IL17RE: variants seen among roughly 807,000 people sequenced by gnomAD.
The protein encoded by IL17RE is interleukin-17 receptor E.
A neutral mutation model predicts 70.7 loss-of-function variants in IL17RE; 47 were observed. The observed-to-expected ratio is 0.67, with a 90% CI of 0.53 to 0.85. IL17RE has a LOEUF of 0.85. IL17RE is among the 40% of genes least tolerant of loss of function. The pLI, the probability that IL17RE is intolerant of heterozygous loss-of-function variation, is 0.00. For missense variants in IL17RE, 850 were observed against 893.9 expected, an observed-to-expected ratio of 0.95 and a Z score of 0.63; for synonymous variants, 372 against 381.2, an observed-to-expected ratio of 0.98 and a Z score of 0.28.
chr3:9,913,584 T>C (rs2082943127), intron 12 of IL17RE, among the ~76,000 whole-genome samples: 1 of 152,126 alleles, frequency 6.6e-6, no homozygotes, highest in Non-Finnish European at 1.5e-5. Context: ...AAACTTACAT[T>C]CTTTTCAATG....
intron 14 of IL17RE, 28 bp downstream of exon 14, chr3:9,914,627 AG>A: frequency 1.2e-6 from 2 of 1,613,398 alleles, no homozygotes; most frequent in Non-Finnish European, 1.7e-6. Context: ...GGGAGGTAAG[AG>A]GGAGGCTGGG....
intron 3 of IL17RE, 41 bp downstream of exon 3, chr3:9,904,192 A>G: frequency 6.2e-7 from 1 of 1,606,826 alleles, no homozygotes. Flanking sequence ...AGTGAAGAGA[A>G]CATTTTGAGG....
At chr3:9,905,257 A>AC (rs2082727201) in intron 3 of IL17RE, among the ~76,000 whole-genome samples, 1 of 151,694 alleles carries the variant, frequency 6.6e-6, no homozygotes, top group South Asian at 2.1e-4. Flanking sequence ...GGAGTTTGAG[A>AC]CCAGCCTGGC....
rs774555141 is a variant in IL17RE, at chr3:9,910,938, A to G, written c.876A>G (p.Thr292=). ...SQHTQMVMAL[T]LRCPLKLEAA... is the part of the protein sequence containing the mutation. ...ACACTCAGATGGTCATGGCCCTGAC[A>G]CTCCGCTGCCCACTGAAGCTGGAAG... is the stretch of plus-strand genomic sequence containing the variant. Residue 292 remains threonine (T), a synonymous_variant, in exon 9 of 16, where the codon ACA becomes ACG. Transcript: ENST00000383814. 1.2e-6 allele frequency: 2 copies of G among 1,613,954 alleles called. No individual in the cohort carries two copies. Among genetic ancestry groups the G allele is most frequent in the Admixed American group, 1.7e-5 (1 of 60,000 alleles).
chr3:9,908,882 C>T (rs185936043), intron 7 of IL17RE, among the ~76,000 whole-genome samples: 1 of 152,230 alleles, frequency 6.6e-6, no homozygotes, highest in Non-Finnish European at 1.5e-5. Context: ...GAGTCAGGAG[C>T]CAACACAGAG....
Position 9,913,382 on chromosome 3 carries a change from C to T in IL17RE, c.1228-574C>T, listed in dbSNP as rs557471134. On this transcript the variant is annotated intron_variant, in intron 12 of 15. Coordinates refer to ENST00000383814, the MANE Select transcript of IL17RE (RefSeq NM_153480.2). ...TTGCACCAGTGCACTCCAGCCTGCA[C>T]GACGGAGCAAGACTCTGTCTCAAAA... Among the ~76,000 whole-genome samples, 89 of 151,198 alleles carry T rather than the reference C, an allele frequency of 5.9e-4. 1 individual carries two copies. The highest frequency in any genetic ancestry group is 2.0e-3 in the African/African-American group (81 of 41,126).
At chr3:9,914,130 C>A in intron 13 of IL17RE, 106 bp downstream of exon 13, 2 of 933,280 alleles carry the variant, frequency 2.1e-6, no homozygotes, top group Non-Finnish European at 3.4e-6. Flanking sequence ...GTTTGGCCAG[C>A]ACAGTGTTTT....
At chr3:9,906,582 A>T in intron 4 of IL17RE, 121 bp downstream of exon 4, 1 of 1,364,746 alleles carries the variant, frequency 7.3e-7, no homozygotes, top group South Asian at 1.2e-5. Flanking sequence ...TCTGTCTATT[A>T]CACAGCTAGG....
At chr3:9,906,263 TA>T in intron 3 of IL17RE, 100 bp from the exon 4 acceptor site, 1 of 504,712 alleles carries the variant, frequency 2.0e-6, no homozygotes, top group East Asian at 3.5e-5. Flanking sequence ...AATAAATAAA[TA>T]AATAAAATAA....
Position 9,909,377 on chromosome 3 carries a change from C to CT in IL17RE, c.802+94_802+95insT, listed in dbSNP as rs59815041. The CT allele has an allele frequency of 9.0e-3, 9,394 of 1,042,646 alleles. 457 individuals carry two copies. The African/African-American group carries it at 0.12, about 14-fold the overall frequency. 64.6% of individuals were successfully genotyped at this position (1,042,646 alleles called of 1,614,324 possible). On this transcript the variant is annotated intron_variant, in intron 8 of 15. Coordinates refer to ENST00000383814, the MANE Select transcript of IL17RE (RefSeq NM_153480.2). Reference sequence around the variant, plus strand: ...TGTACACACACACACACACACACCCCGCACTTCACACATGTGCTGGGGGAA... The same window carrying CT: ...TGTACACACACACACACACACACCCCTGCACTTCACACATGTGCTGGGGGAA...
chr3:9,914,849 C>T, intron 15 of IL17RE, 72 bp downstream of exon 15: 2 of 1,242,432 alleles, frequency 1.6e-6, no homozygotes, highest in South Asian at 2.5e-5. Flanking sequence ...CTCACCCTCC[C>T]CTGTCTGAGC....
chr3:9,912,724 C>T (rs1252411413), intron 12 of IL17RE, among the ~76,000 whole-genome samples: 3 of 152,190 alleles, frequency 2.0e-5, no homozygotes, highest in Non-Finnish European at 2.9e-5. Flanking sequence ...GACCAAGTCA[C>T]GCTTAAGATG....
At chr3:9,903,649 T>G (rs1343794826) in intron 2 of IL17RE, among the ~76,000 whole-genome samples, 1 of 152,196 alleles carries the variant, frequency 6.6e-6, no homozygotes, top group African/African-American at 2.4e-5. Context: ...GGTAGTAGCA[T>G]AGTAGAAATG....
intron 7 of IL17RE, among the ~76,000 whole-genome samples, chr3:9,908,649 G>A (rs1453917550): frequency 1.3e-5 from 2 of 152,232 alleles, no homozygotes; most frequent in Non-Finnish European, 2.9e-5. Flanking sequence ...CATGGCCACT[G>A]CAGGATCCAT....
chr3:9,915,643 C>G lies in IL17RE; in HGVS notation c.1840C>G (p.Arg614Gly). ...GCCGCTGCGCGCCCTGCCGCGCTAC[C>G]GCCTGCTGCGCGACCTGCCGCGTCT... The part of the protein sequence containing the change: ...PPPLRALPRY[R>G]LLRDLPRLLR... Residue 614 changes from arginine to glycine, a missense_variant, in exon 16 of 16, where the codon CGC (arginine) becomes GGC (glycine). Coordinates refer to ENST00000383814, the MANE Select transcript of IL17RE (RefSeq NM_153480.2). The surrounding 1 kb of genome is among the most constrained non-coding windows in gnomAD (Gnocchi z 4.9). 1.4e-6 allele frequency: 2 copies of G among 1,409,888 alleles called. No homozygotes were observed. The highest frequency in any genetic ancestry group is 6.1e-5 in the East Asian group (2 of 32,582). The allele number at this position is 1,409,888 out of a possible 1,614,324, so 87.3% of individuals were successfully genotyped here.
At chr3:9,907,579 C>A (rs1171487301) in intron 6 of IL17RE, among the ~76,000 whole-genome samples, 1 of 151,960 alleles carries the variant, frequency 6.6e-6, no homozygotes, top group Non-Finnish European at 1.5e-5. Context: ...GTGATTCAGG[C>A]ATTAAGAAGC....
At chr3:9,907,395 T>A (rs140566442) in intron 6 of IL17RE, among the ~76,000 whole-genome samples, 7,413 of 150,528 alleles carry the variant, frequency 0.049, 193 homozygotes, top group Middle Eastern at 0.14. Flanking sequence ...ATAAATTAAT[T>A]AATTAATTAA....
At chr3:9,905,814 C>T (rs887402787) in intron 3 of IL17RE, among the ~76,000 whole-genome samples, 6 of 151,232 alleles carry the variant, frequency 4.0e-5, no homozygotes, top group Non-Finnish European at 7.4e-5. Context: ...AGCAAGGCTC[C>T]GTCTCCAAAA....
intron 1 of IL17RE, 60 bp from the exon 2 acceptor site, chr3:9,903,336 TG>T: frequency 6.3e-7 from 1 of 1,583,488 alleles, no homozygotes; most frequent in South Asian, 1.1e-5. Context: ...ATGTGCCTTA[TG>T]GGAGTCTCTC....
Sources: gnomAD v4.1 joint callset for allele counts (sites outside exome capture counted in the v4.1 genomes callset) on GRCh38, gnomAD v4.1.1 for gene constraint, Gnocchi (gnomAD v3.1) non-coding constraint, MANE v1.5 for transcripts, NCBI Gene and HGNC (gene_info 2026-07-23, HGNC 2026-07-21) for gene names.